The following SIPA1L1 variants were observed in gnomAD, a reference collection of about 807,000 sequenced individuals.
SIPA1L1 encodes the protein signal induced proliferation associated 1 like 1, also known as signal-induced proliferation-associated 1-like protein 1.
Under a neutral mutation model 162.7 loss-of-function variants are expected in SIPA1L1, and 26 were observed. That is an observed-to-expected ratio of 0.16 (90% confidence interval 0.12 to 0.22). SIPA1L1 has a LOEUF of 0.22. Among genes scored for constraint, SIPA1L1 ranks in the 10% least tolerant of loss-of-function variants. The pLI is 1.00. For synonymous variants in SIPA1L1, 829 were observed against 837.4 expected (o/e 0.99, Z 0.17); for missense variants, 1,874 against 2,241.0 (o/e 0.84, Z 3.31).
chr14:71,330,728 G>T, intron 2 of SIPA1L1: 1 of 860,452 alleles, frequency 1.2e-6, no homozygotes, highest in Non-Finnish European at 2.0e-6. Flanking sequence ...AAAACCACCG[G>T]GTAGTCATCA....
At chr14:71,648,064 T>G (rs1467764464) in intron 7 of SIPA1L1, among the ~76,000 whole-genome samples, 1 of 152,054 alleles carries the variant, frequency 6.6e-6, no homozygotes, top group East Asian at 1.9e-4. Flanking sequence ...CCGAGGCAGG[T>G]GGATCACCTG....
intron 4 of SIPA1L1, among the ~76,000 whole-genome samples, chr14:71,549,875 T>C (rs2055629038): frequency 1.3e-5 from 2 of 152,084 alleles, no homozygotes; most frequent in Admixed American, 1.3e-4. Context: ...ATTAGAAAAG[T>C]GGGGAAGTAG....
At chr14:71,680,595 G>T (rs1405479977) in intron 12 of SIPA1L1, among the ~76,000 whole-genome samples, 2 of 152,146 alleles carry the variant, frequency 1.3e-5, no homozygotes, top group East Asian at 3.8e-4. Context: ...AAGATCTGAA[G>T]GAGATAGAGA....
At chr14:71,603,149 A>T (rs893177095) in intron 5 of SIPA1L1, among the ~76,000 whole-genome samples, 3 of 152,092 alleles carry the variant, frequency 2.0e-5, no homozygotes, top group African/African-American at 4.8e-5. Flanking sequence ...TGTTTTATCT[A>T]AGTCTACCTA....
In SIPA1L1 at chr14:71,739,087, G is replaced by A. The variant is rs373034027; in HGVS notation, c.5278G>A (p.Glu1760Lys). ...GCGAGAGGACAACCTGAGGCTACAGGAGGAGTCCCAGAACGCCTCGGACAA... is the reference window on the plus strand; with the variant it reads ...GCGAGAGGACAACCTGAGGCTACAGAAGGAGTCCCAGAACGCCTCGGACAA... ...HLREDNLRLQ[E>K]ESQNASDKLK... The change falls in exon 24 of 24, where the codon GAG (glutamate) becomes AAG (lysine). Residue 1760 changes from glutamate (E) to lysine (K), a missense_variant. Physicochemically the swap from Glu to Lys is moderately conservative, Grantham distance 56. Around this residue, in one of 5 missense-constraint regions of SIPA1L1, gnomAD observed 936 missense variants for 1,051.9 expected, o/e 0.89. Coordinates refer to ENST00000381232, the MANE Select transcript of SIPA1L1 (RefSeq NM_001386936.1). The A allele has an allele frequency of 2.0e-5, 33 of 1,614,108 alleles. No individual in the cohort carries two copies. In the African/African-American group the frequency reaches 3.2e-4, roughly 16 times the overall value.
rs777415215 is a variant in SIPA1L1, at chr14:71,356,567, C to CCAAAAAAAAAAAAAAAAAAAAAAA, written c.-465+35386_-465+35387insCAAAAAAAAAAAAAAAAAAAAAAA. ...GCAACATAGCAAGACCTTGTCTCTA[C>CCAAAAAAAAAAAAAAAAAAAAAAA]AAAAAAAAAAAAAAAAAAAAGCACA... On this transcript the variant is annotated intron_variant, in intron 2 of 23. Coordinates refer to ENST00000381232, the MANE Select transcript of SIPA1L1 (RefSeq NM_001386936.1). Among the ~76,000 whole-genome samples, 3 of 39,172 alleles carry CCAAAAAAAAAAAAAAAAAAAAAAA rather than the reference C, an allele frequency of 7.7e-5. 1 individual carries two copies. Among genetic ancestry groups the CCAAAAAAAAAAAAAAAAAAAAAAA allele is most frequent in the African/African-American group, 3.3e-4 (3 of 9,164 alleles). 25.7% of individuals were successfully genotyped at this position (39,172 alleles called of 152,430 possible).
intron 4 of SIPA1L1, among the ~76,000 whole-genome samples, chr14:71,541,354 T>A (rs1328639570): frequency 2.0e-5 from 3 of 152,208 alleles, no homozygotes; most frequent in African/African-American, 7.2e-5. Context: ...TAACAATTCC[T>A]CTTTAAGGAT....
At chr14:71,669,680 A>G (rs2044336636) in intron 10 of SIPA1L1, among the ~76,000 whole-genome samples, 2 of 152,192 alleles carry the variant, frequency 1.3e-5, no homozygotes, top group Admixed American at 6.5e-5. Flanking sequence ...ATTAAGCCAT[A>G]TGGAAGTCTC....
chr14:71,705,259 G>A lies in SIPA1L1; in HGVS notation c.3684G>A (p.Leu1228=), dbSNP rs1274478861. 6.2e-7 allele frequency: 1 copy of A among 1,614,150 alleles called. No individual in the cohort carries two copies. Among genetic ancestry groups the A allele is most frequent in the Admixed American group, 1.7e-5 (1 of 60,028 alleles). ...TCHLPAVSKV[L]PAFRESPSGR... ...ATCTCCCAGCAGTATCAAAGGTACTGCCAGCTTTCCGAGAGAGCCCCAGTG... is the reference window on the plus strand; with the variant it reads ...ATCTCCCAGCAGTATCAAAGGTACTACCAGCTTTCCGAGAGAGCCCCAGTG... Residue 1228 remains leucine, a synonymous_variant, in exon 16 of 24, where the codon CTG becomes CTA. Coordinates refer to ENST00000381232, the MANE Select transcript of SIPA1L1 (RefSeq NM_001386936.1).
At chr14:71,510,174 C>T (rs866665458) in intron 2 of SIPA1L1, among the ~76,000 whole-genome samples, 52 of 145,118 alleles carry the variant, frequency 3.6e-4, no homozygotes, top group Middle Eastern at 3.6e-3. Context: ...TAATCCCCCC[C>T]ACCTTTTTTT....
chr14:71,521,108 T>C (rs1431138276), intron 3 of SIPA1L1, among the ~76,000 whole-genome samples: 2 of 152,158 alleles, frequency 1.3e-5, no homozygotes, highest in Non-Finnish European at 2.9e-5. Flanking sequence ...TTTTGGGCTA[T>C]TAGGAATTGC....
chr14:71,624,510 G>A (rs1232313081), intron 7 of SIPA1L1, among the ~76,000 whole-genome samples: 2 of 151,854 alleles, frequency 1.3e-5, no homozygotes, highest in East Asian at 1.9e-4. Flanking sequence ...TAAGTTTTTC[G>A]AGTGTCCAAG....
chr14:71,547,291 A>AC (rs2055315269), intron 4 of SIPA1L1, among the ~76,000 whole-genome samples: 1 of 141,766 alleles, frequency 7.1e-6, no homozygotes, highest in Non-Finnish European at 1.5e-5. Flanking sequence ...TATGAAAATA[A>AC]CTTTTTTTTT....
intron 8 of SIPA1L1, among the ~76,000 whole-genome samples, chr14:71,652,853 G>T (rs1190562939): frequency 6.6e-6 from 1 of 151,844 alleles, no homozygotes; most frequent in South Asian, 2.1e-4. Context: ...TTAGGTTCAC[G>T]CTGTCCTTTA....
intron 2 of SIPA1L1, among the ~76,000 whole-genome samples, chr14:71,492,856 G>A (rs747887792): frequency 6.6e-6 from 1 of 151,460 alleles, no homozygotes; most frequent in Admixed American, 6.6e-5. Context: ...AAACTCCTGG[G>A]CTCAAGCAAT....
intron 2 of SIPA1L1, among the ~76,000 whole-genome samples, chr14:71,459,004 A>G (rs2046385710): frequency 6.6e-6 from 1 of 151,922 alleles, no homozygotes; most frequent in African/African-American, 2.4e-5. Context: ...CCTGGGAGGC[A>G]GAGTTTGCAG....
chr14:71,440,908 A>G (rs1263101770), intron 2 of SIPA1L1, among the ~76,000 whole-genome samples: 1 of 152,028 alleles, frequency 6.6e-6, no homozygotes, highest in Admixed American at 6.6e-5. Flanking sequence ...GGTGCGTGAT[A>G]CCTCTTTTTT....
In SIPA1L1 at chr14:71,378,355, CAT is replaced by C. The variant is rs529765565; in HGVS notation, c.-465+57175_-465+57176del. On this transcript the variant is annotated intron_variant, in intron 2 of 23. Coordinates refer to ENST00000381232, the MANE Select transcript of SIPA1L1 (RefSeq NM_001386936.1). ...CTTTTATTAAGCATTTAAAATAAGA[CAT>C]GTTTTCTATTTGTTGCCATTTGGTT... Among the ~76,000 whole-genome samples, 199 of 152,138 alleles carry C rather than the reference CAT, an allele frequency of 1.3e-3. 2 individuals carry two copies. Among genetic ancestry groups the C allele is most frequent in the African/African-American group, 4.4e-3 (183 of 41,528 alleles).
At chr14:71,706,850 AT>A (rs909082351) in intron 16 of SIPA1L1, among the ~76,000 whole-genome samples, 1 of 152,028 alleles carries the variant, frequency 6.6e-6, no homozygotes, top group Non-Finnish European at 1.5e-5. Flanking sequence ...CCTAGCCAAT[AT>A]GATGAAACCG....
Sources: allele counts gnomAD v4.1 joint callset (sites outside exome capture counted in the v4.1 genomes callset), GRCh38; gene constraint gnomAD v4.1.1; regional missense constraint gnomAD v4.1.1; transcripts MANE v1.5; gene names NCBI Gene and HGNC (gene_info 2026-07-23, HGNC 2026-07-21).